The following PCNX4 variants were observed in gnomAD, a reference collection of about 807,000 sequenced individuals.
PCNX4 encodes pecanex 4, also known as pecanex-like protein 4.
PCNX4 carries 103 observed loss-of-function variants against 107.2 expected under a neutral mutation model. The ratio of observed to expected loss-of-function variants is 0.96; its 90% CI spans 0.82 to 1.13. The LOEUF (loss-of-function observed/expected upper bound fraction) is 1.13. Ranked by LOEUF, PCNX4 falls within the 50% of genes most tolerant of loss-of-function variation. PCNX4 has a pLI of 0.00. For missense variants in PCNX4, 1,528 were observed against 1,379.4 expected, an observed-to-expected ratio of 1.11 and a Z score of -1.71; for synonymous variants, 541 against 481.7, an observed-to-expected ratio of 1.12 and a Z score of -1.61.
intron 1 of PCNX4, among the ~76,000 whole-genome samples, chr14:60,103,161 G>A (rs1895565309): frequency 6.6e-6 from 1 of 151,960 alleles, no homozygotes; most frequent in Non-Finnish European, 1.5e-5. Context: ...TCCTTAACTG[G>A]CATACCCTTT....
At chr14:60,103,431 A>G (rs574841473) in intron 1 of PCNX4, among the ~76,000 whole-genome samples, 2 of 152,366 alleles carry the variant, frequency 1.3e-5, no homozygotes, top group South Asian at 2.1e-4. Context: ...AGTATAGTCT[A>G]TAATTTTTCA....
chr14:60,118,220 A>G (rs1448829060), intron 6 of PCNX4, 109 bp from the exon 7 acceptor site: 4 of 1,316,392 alleles, frequency 3.0e-6, no homozygotes, highest in Non-Finnish European at 3.9e-6. Flanking sequence ...TATTTCTTCA[A>G]AAATACTGGG....
At chr14:60,130,038 A>G (rs1418566991) in intron 10 of PCNX4, among the ~76,000 whole-genome samples, 1 of 152,176 alleles carries the variant, frequency 6.6e-6, no homozygotes, top group Non-Finnish European at 1.5e-5. Flanking sequence ...AATAATCCAA[A>G]TGAAAGGCAG....
chr14:60,133,810 C>A, intron 10 of PCNX4, 160 bp from the exon 11 acceptor site: 4 of 709,300 alleles, frequency 5.6e-6, no homozygotes, highest in Non-Finnish European at 9.3e-6. Flanking sequence ...TGAATACAGG[C>A]AACTTGTGTA....
intron 8 of PCNX4, among the ~76,000 whole-genome samples, chr14:60,122,723 T>C (rs970301443): frequency 6.6e-6 from 1 of 152,186 alleles, no homozygotes; most frequent in Non-Finnish European, 1.5e-5. Context: ...AGGGATCTCT[T>C]GTTTTTATTC....
At position 60,121,252 on chromosome 14, in the gene PCNX4, A is replaced by T; in HGVS notation, c.1999A>T (p.Ile667Leu). Reference sequence around the variant, plus strand: ...CCGTTTTCAGGATCGTTTAATGTGGATAATGATTCTGGAATGTGGCTATAC... The same window carrying T: ...CCGTTTTCAGGATCGTTTAATGTGGTTAATGATTCTGGAATGTGGCTATAC... ...LGRFQDRLMWIMILECGYTYC... is the reference protein window; with the variant it reads ...LGRFQDRLMWLMILECGYTYC... The change falls in exon 8 of 11, where the codon ATA becomes TTA. Residue 667 changes from isoleucine to leucine, a missense_variant. Physicochemically the swap from Ile to Leu is conservative, Grantham distance 5. Coordinates refer to ENST00000406854, the MANE Select transcript of PCNX4 (RefSeq NM_001330177.2). The T allele has an allele frequency of 6.3e-7, 1 of 1,598,028 alleles. No individual in the cohort carries two copies. Among genetic ancestry groups the T allele is most frequent in the Non-Finnish European group, 8.5e-7 (1 of 1,173,060 alleles).
chr14:60,132,512 G>A (rs1043371783), intron 10 of PCNX4, among the ~76,000 whole-genome samples: 1 of 151,940 alleles, frequency 6.6e-6, no homozygotes, highest in Non-Finnish European at 1.5e-5. Flanking sequence ...AACTTAGAAG[G>A]AAACATAAGG....
rs1296558896 is a variant in PCNX4 at position 60,136,972 on chromosome 14, AAC to A, written c.*2754_*2755del. 1 of 152,480 alleles carries A rather than the reference AAC, an allele frequency of 6.6e-6. No individual in the cohort carries two copies. Among genetic ancestry groups the A allele is most frequent in the Non-Finnish European group, 1.5e-5 (1 of 68,042 alleles). The allele number at this position is 152,480 out of a possible 1,614,324, so 9.4% of individuals were successfully genotyped here. On this transcript the variant is annotated 3_prime_UTR_variant, in exon 11 of 11. Coordinates refer to ENST00000406854, the MANE Select transcript of PCNX4 (RefSeq NM_001330177.2). ...CTTACAAAATGGTGCAGTTTGGACT[AAC>A]ACTAACGTTACTGAATTTTCCCTAA...
At chr14:60,093,147 T>TA (rs1285128661) in intron 1 of PCNX4, among the ~76,000 whole-genome samples, 1 of 152,162 alleles carries the variant, frequency 6.6e-6, no homozygotes, top group Non-Finnish European at 1.5e-5. Flanking sequence ...ATTTCCTACT[T>TA]AAAGAGCTGC....
At chr14:60,101,250 A>G (rs893575037) in intron 1 of PCNX4, among the ~76,000 whole-genome samples, 12 of 152,232 alleles carry the variant, frequency 7.9e-5, no homozygotes, top group South Asian at 2.1e-4. Context: ...TAAAATATAT[A>G]AAACTAAGCT....
In PCNX4 at chr14:60,137,492, A is replaced by C. The variant is rs1896253375; in HGVS notation, c.*3271A>C. On this transcript the variant is annotated 3_prime_UTR_variant, in exon 11 of 11. Transcript: ENST00000406854. ...CAGCCGCTACCCAGAGCAAATGTAAATCCTCTCTGGACTGATCTTTTGAGT... is the reference window on the plus strand; with the variant it reads ...CAGCCGCTACCCAGAGCAAATGTAACTCCTCTCTGGACTGATCTTTTGAGT... 6.6e-6 allele frequency: 1 copy of C among 152,160 alleles called. No individual in the cohort carries two copies. The highest frequency in any genetic ancestry group is 1.9e-4 in the East Asian group (1 of 5,192). 9.4% of individuals were successfully genotyped at this position (152,160 alleles called of 1,614,324 possible). A position where few individuals can be genotyped will look rare whatever the true frequency, so the allele number is the denominator to read the frequency against.
rs1362587781 is a variant in PCNX4 at position 60,141,284 on chromosome 14, G to A, written c.*7063G>A. The A allele has an allele frequency of 2.6e-5, 4 of 151,886 alleles. No individual in the cohort carries two copies. Among genetic ancestry groups the A allele is most frequent in the Non-Finnish European group, 2.9e-5 (2 of 67,978 alleles). 9.4% of individuals were successfully genotyped at this position (151,886 alleles called of 1,614,324 possible). A position where few individuals can be genotyped will look rare whatever the true frequency, so the allele number is the denominator to read the frequency against. ...ATAAGCCCAAAGCAGGCAAAAGAAA[G>A]GAAATAACCAAAAGCAGAAATCAAT... On this transcript the variant is annotated 3_prime_UTR_variant, in exon 11 of 11. Transcript: ENST00000406854.
chr14:60,109,383 A>G (rs896139354), intron 2 of PCNX4: 3 of 167,152 alleles, frequency 1.8e-5, no homozygotes, highest in African/African-American at 7.2e-5. Context: ...AAATGTGGAA[A>G]TGGCTTTGTA....
intron 9 of PCNX4, among the ~76,000 whole-genome samples, 161 bp downstream of exon 9, chr14:60,125,412 A>C (rs1255658256): frequency 6.6e-6 from 1 of 152,186 alleles, no homozygotes; most frequent in Non-Finnish European, 1.5e-5. Context: ...TATCAAGGGT[A>C]CACTTTAATT....
In PCNX4 at chr14:60,145,075, T is replaced by C. The variant is rs534889677; in HGVS notation, c.*10854T>C. On this transcript the variant is annotated 3_prime_UTR_variant, in exon 11 of 11. Transcript: ENST00000406854. This position sits in a 1 kb window ranked among gnomAD's most constrained non-coding sequence, Gnocchi z 4.0. ...CTCCTATTTACTCCAGTTTTTAACA[T>C]TTAAGTCCTTCTGTTTTGAGGAGCT... 2 of 1,185,926 alleles carry C rather than the reference T, an allele frequency of 1.7e-6. No homozygotes were observed. Among genetic ancestry groups the C allele is most frequent in the East Asian group, 5.2e-5 (2 of 38,304 alleles). The allele number at this position is 1,185,926 out of a possible 1,614,324, so 73.5% of individuals were successfully genotyped here.
At chr14:60,119,329 C>CTTCT (rs1163524528) in intron 7 of PCNX4, among the ~76,000 whole-genome samples, 2 of 152,100 alleles carry the variant, frequency 1.3e-5, no homozygotes, top group African/African-American at 4.8e-5. Flanking sequence ...CTGTATTGTA[C>CTTCT]TTCTCAAGGT....
chr14:60,139,069 TATAGAACAA>T lies in PCNX4; in HGVS notation c.*4853_*4861del, dbSNP rs1405938372. 5 of 151,754 alleles carry T rather than the reference TATAGAACAA, an allele frequency of 3.3e-5. No individual in the cohort carries two copies. The highest frequency in any genetic ancestry group is 5.9e-5 in the Non-Finnish European group (4 of 67,890). The allele number at this position is 151,754 out of a possible 1,614,324, so 9.4% of individuals were successfully genotyped here. On this transcript the variant is annotated 3_prime_UTR_variant, in exon 11 of 11. Transcript: ENST00000406854. ...TAATAAGGCAAAAAGGTAGAGAAAA[TATAGAACAA>T]ATAGGACAAATAGAAATCAAACAGT... is the stretch of plus-strand genomic sequence containing the variant.
chr14:60,116,146 AG>A, intron 6 of PCNX4, 86 bp downstream of exon 6: 1 of 1,206,874 alleles, frequency 8.3e-7, no homozygotes, highest in South Asian at 1.8e-5. Context: ...TCAGTTTTGT[AG>A]TCATCACCAC....
At position 60,116,134 on chromosome 14, in the gene PCNX4, A is replaced by G. The variant is rs758817159; in HGVS notation, c.1578+74A>G. On this transcript the variant is annotated intron_variant, in intron 6 of 10. Coordinates refer to ENST00000406854, the MANE Select transcript of PCNX4 (RefSeq NM_001330177.2). Reference sequence around the variant, plus strand: ...AATATTTGTCCATTTAGTGGTGTATATTCAGTTTTGTAGTCATCACCACAA... The same window carrying G: ...AATATTTGTCCATTTAGTGGTGTATGTTCAGTTTTGTAGTCATCACCACAA... 3.4e-4 allele frequency: 469 copies of G among 1,363,482 alleles called. No homozygotes were observed. Among genetic ancestry groups the G allele is most frequent in the Non-Finnish European group, 4.5e-4 (454 of 1,016,600 alleles). 84.5% of individuals were successfully genotyped at this position (1,363,482 alleles called of 1,614,324 possible). A position where few individuals can be genotyped will look rare whatever the true frequency, so the allele number is the denominator to read the frequency against.
Sources: allele counts gnomAD v4.1 joint callset (sites outside exome capture counted in the v4.1 genomes callset), GRCh38; gene constraint gnomAD v4.1.1; non-coding constraint Gnocchi (gnomAD v3.1); transcripts MANE v1.5; gene names NCBI Gene and HGNC (gene_info 2026-07-23, HGNC 2026-07-21).